Variants in FAT3 observed in about 807,000 individuals in gnomAD.
FAT3 encodes the protein protocadherin Fat 3.
FAT3 carries 95 observed loss-of-function variants against 310.2 expected under a neutral mutation model. That is an observed-to-expected ratio of 0.31 (90% confidence interval 0.26 to 0.36). FAT3 has a LOEUF of 0.36. Among genes scored for constraint, FAT3 ranks in the 10% least tolerant of loss-of-function variants. The pLI, the probability that FAT3 is intolerant of heterozygous loss-of-function variation, is 1.00. For synonymous variants in FAT3, 2,314 were observed against 2,192.9 expected (o/e 1.06, Z -1.54); for missense variants, 5,408 against 5,715.6 (o/e 0.95, Z 1.74).
intron 2 of FAT3, among the ~76,000 whole-genome samples, chr11:92,451,695 A>G (rs1042618054): frequency 7.9e-5 from 12 of 152,204 alleles, no homozygotes; most frequent in Non-Finnish European, 1.8e-4. Context: ...AGCTCCTATC[A>G]TGTGAAACAG....
chr11:92,501,940 A>G (rs1952952658), intron 2 of FAT3, among the ~76,000 whole-genome samples: 1 of 151,892 alleles, frequency 6.6e-6, no homozygotes, highest in South Asian at 2.1e-4. Context: ...CGAGGAGTTC[A>G]CAACTTAATG....
chr11:92,823,501 T>C (rs1303081766), intron 13 of FAT3, among the ~76,000 whole-genome samples: 1 of 152,218 alleles, frequency 6.6e-6, no homozygotes. Context: ...TTTCACTTAG[T>C]GCTCTCTTCT....
chr11:92,804,330 G>A (rs1367762748), intron 10 of FAT3, among the ~76,000 whole-genome samples: 1 of 152,024 alleles, frequency 6.6e-6, no homozygotes, highest in East Asian at 1.9e-4. Flanking sequence ...CTCGGTGTCT[G>A]AAATGACATT....
At chr11:92,655,606 CTT>C (rs1422717949) in intron 3 of FAT3, among the ~76,000 whole-genome samples, 3 of 152,182 alleles carry the variant, frequency 2.0e-5, no homozygotes, top group Admixed American at 2.0e-4. Context: ...ACTCCTGACT[CTT>C]TGTGCTTGGT....
intron 2 of FAT3, among the ~76,000 whole-genome samples, chr11:92,391,812 A>C (rs550963794): frequency 1.3e-5 from 2 of 152,212 alleles, no homozygotes; most frequent in South Asian, 2.1e-4. Flanking sequence ...GTTTCCTCAT[A>C]GTTGTACGTG....
At chr11:92,858,667 T>C (rs930433703) in intron 20 of FAT3, among the ~76,000 whole-genome samples, 1 of 152,212 alleles carries the variant, frequency 6.6e-6, no homozygotes, top group Non-Finnish European at 1.5e-5. Flanking sequence ...ATATCAGTTA[T>C]CTTTTTGCAA....
rs1318012602 is a variant in FAT3, at chr11:92,354,208, A to G, written c.2096A>G (p.Lys699Arg). The change falls in exon 2 of 28, where the codon AAG becomes AGG. Residue 699 changes from lysine to arginine, a missense_variant. Coordinates refer to ENST00000525166, the MANE Select transcript of FAT3 (RefSeq NM_001367949.2). ...AAGCTGGCAGAGAAACTACTCATTA[A>G]GGCAAAAGCAAATGGGAAACTGAAT... ...AQKLAEKLLIKAKANGKLNLE... is the reference protein window; with the variant it reads ...AQKLAEKLLIRAKANGKLNLE... 1 of 1,613,854 alleles carries G rather than the reference A, an allele frequency of 6.2e-7. No homozygotes were observed. Among genetic ancestry groups the G allele is most frequent in the Admixed American group, 1.7e-5 (1 of 59,986 alleles).
intron 3 of FAT3, among the ~76,000 whole-genome samples, chr11:92,565,173 A>T (rs1221317413): frequency 2.6e-4 from 39 of 147,186 alleles, no homozygotes; most frequent in African/African-American, 8.6e-4. Context: ...GAGAAGAATC[A>T]AATAGACACA....
At chr11:92,626,418 G>A (rs2135685885) in intron 3 of FAT3, among the ~76,000 whole-genome samples, 1 of 151,518 alleles carries the variant, frequency 6.6e-6, no homozygotes, top group African/African-American at 2.4e-5. Flanking sequence ...TAAGCAGAAA[G>A]ACTATTTTTT....
intron 2 of FAT3, among the ~76,000 whole-genome samples, chr11:92,460,267 T>C (rs1225281733): frequency 6.6e-6 from 1 of 152,180 alleles, no homozygotes; most frequent in Non-Finnish European, 1.5e-5. Context: ...CCCTGGCAGC[T>C]TGTTGATGTG....
chr11:92,813,110 A>T (rs2082270411), intron 13 of FAT3, among the ~76,000 whole-genome samples: 1 of 152,106 alleles, frequency 6.6e-6, no homozygotes, highest in Non-Finnish European at 1.5e-5. Flanking sequence ...AGGCCTCTCT[A>T]GCCATGCAGA....
At chr11:92,441,461 A>G (rs1408532084) in intron 2 of FAT3, among the ~76,000 whole-genome samples, 2 of 152,224 alleles carry the variant, frequency 1.3e-5, no homozygotes, top group Non-Finnish European at 2.9e-5. Context: ...AATACTTCTT[A>G]TAGCATTTTA....
intron 3 of FAT3, among the ~76,000 whole-genome samples, chr11:92,675,393 T>G (rs952991478): frequency 6.6e-6 from 1 of 152,128 alleles, no homozygotes; most frequent in Non-Finnish European, 1.5e-5. Flanking sequence ...AACTTAAAAC[T>G]CAATGGGCAG....
intron 22 of FAT3, among the ~76,000 whole-genome samples, chr11:92,871,759 A>T (rs1259966165): frequency 1.3e-5 from 2 of 151,528 alleles, no homozygotes; most frequent in East Asian, 3.9e-4. Flanking sequence ...AACATACAGA[A>T]TCTGAATTGG....
At chr11:92,597,687 A>C (rs536911) in intron 3 of FAT3, among the ~76,000 whole-genome samples, 85,720 of 151,984 alleles carry the variant, frequency 0.56, 25,666 homozygotes, top group African/African-American at 0.77. Flanking sequence ...TATTAATAAC[A>C]GTATACAAAA....
intron 26 of FAT3, 90 bp from the exon 27 acceptor site, chr11:92,889,766 T>C: frequency 2.8e-6 from 2 of 708,868 alleles, no homozygotes; most frequent in Non-Finnish European, 5.3e-6. Context: ...TTTAGGAGTA[T>C]GTTTTTAAAA....
chr11:92,409,860 C>T lies in FAT3; in HGVS notation c.3292+54456C>T, dbSNP rs151054945. On this transcript the variant is annotated intron_variant, in intron 2 of 27. Coordinates refer to ENST00000525166, the MANE Select transcript of FAT3 (RefSeq NM_001367949.2). ...TGCCAGCCTCAGACAGCATTCTATA[C>T]AAGTGGTTGGGAAAACAGAACTTTA... is the stretch of plus-strand genomic sequence containing the variant. Among the ~76,000 whole-genome samples the T allele has an allele frequency of 1.3e-3, 202 of 152,066 alleles. 2 individuals carry two copies. The highest frequency in any genetic ancestry group is 4.8e-3 in the African/African-American group (198 of 41,462).
At chr11:92,305,917 C>A (rs945102888) in intron 1 of FAT3, among the ~76,000 whole-genome samples, 2 of 152,094 alleles carry the variant, frequency 1.3e-5, no homozygotes, top group Non-Finnish European at 2.9e-5. Context: ...ATTGAGTAGT[C>A]TGTTAACTAG....
rs148401115 is a variant in FAT3, at chr11:92,716,140, A to C, written c.3669+18695A>C. 2.0e-3 allele frequency among the ~76,000 whole-genome samples: 311 copies of C among 152,302 alleles called. 1 individual carries two copies. Among genetic ancestry groups the C allele is most frequent in the Middle Eastern group, 0.02 (6 of 294 alleles). ...CAGATCGAGGTGTGAGGGGATTGCT[A>C]TCCAACTGCAGGTAGTGGTAGCAGT... On this transcript the variant is annotated intron_variant, in intron 4 of 27. Coordinates refer to ENST00000525166, the MANE Select transcript of FAT3 (RefSeq NM_001367949.2).
Sources: gnomAD v4.1 joint callset for allele counts (sites outside exome capture counted in the v4.1 genomes callset) on GRCh38, gnomAD v4.1.1 for gene constraint, MANE v1.5 for transcripts, NCBI Gene and HGNC (gene_info 2026-07-23, HGNC 2026-07-21) for gene names.